TRIM44: variants seen among roughly 807,000 people sequenced by gnomAD.
TRIM44 encodes tripartite motif containing 44.
In TRIM44, 13 loss-of-function variants were observed where a neutral mutation model predicts 37.4. That is an observed-to-expected ratio of 0.35 (90% confidence interval 0.23 to 0.55). TRIM44 has a LOEUF of 0.55. Ranked by LOEUF, TRIM44 falls within the 20% of genes least tolerant of loss-of-function variation. The pLI is 0.89. For missense variants in TRIM44, 426 were observed against 437.2 expected (o/e 0.97, Z 0.23); for synonymous variants, 175 against 157.2 (o/e 1.11, Z -0.85).
intron 2 of TRIM44, among the ~76,000 whole-genome samples, chr11:35,709,087 A>T (rs113042407): frequency 1.8e-4 from 28 of 152,004 alleles, no homozygotes; most frequent in Non-Finnish European, 3.5e-4. Flanking sequence ...AAGTCAGCCA[A>T]TTGGTGCTGC....
chr11:35,744,369 G>T (rs1469062026), intron 4 of TRIM44, among the ~76,000 whole-genome samples: 1 of 152,148 alleles, frequency 6.6e-6, no homozygotes. Flanking sequence ...AAATAAGTAT[G>T]TGAAGTCATG....
intron 1 of TRIM44, among the ~76,000 whole-genome samples, chr11:35,664,559 A>G (rs1851311571): frequency 6.6e-6 from 1 of 152,204 alleles, no homozygotes; most frequent in Non-Finnish European, 1.5e-5. Flanking sequence ...TCAGTTCATT[A>G]AGTAATCTGT....
chr11:35,712,343 T>C (rs1235500317), intron 2 of TRIM44, among the ~76,000 whole-genome samples: 1 of 152,218 alleles, frequency 6.6e-6, no homozygotes, highest in Non-Finnish European at 1.5e-5. Flanking sequence ...GGAATAACTT[T>C]ACTTAAAGTT....
intron 1 of TRIM44, among the ~76,000 whole-genome samples, chr11:35,677,414 AT>A (rs1314726815): frequency 4.6e-5 from 7 of 151,064 alleles, no homozygotes; most frequent in South Asian, 4.2e-4. Context: ...TTAGTAAAAT[AT>A]TTTTTTTATT....
At chr11:35,701,461 A>G (rs935757999) in intron 2 of TRIM44, among the ~76,000 whole-genome samples, 3 of 152,220 alleles carry the variant, frequency 2.0e-5, no homozygotes, top group African/African-American at 7.2e-5. Context: ...GGAAAATTTA[A>G]GATAGTTAAT....
At chr11:35,675,036 T>C (rs1202742778) in intron 1 of TRIM44, among the ~76,000 whole-genome samples, 6 of 152,210 alleles carry the variant, frequency 3.9e-5, no homozygotes. Flanking sequence ...ATTGTAGCAC[T>C]AAATACTGTG....
chr11:35,708,732 A>C (rs1851923483), intron 2 of TRIM44, among the ~76,000 whole-genome samples: 1 of 151,762 alleles, frequency 6.6e-6, no homozygotes, highest in Non-Finnish European at 1.5e-5. Flanking sequence ...GGACGCAGGA[A>C]GGGGAACATC....
intron 4 of TRIM44, among the ~76,000 whole-genome samples, chr11:35,805,886 G>A (rs1027665013): frequency 6.6e-6 from 1 of 152,146 alleles, no homozygotes; most frequent in African/African-American, 2.4e-5. Flanking sequence ...TGAAATCTTG[G>A]ATTTTTTTTC....
At chr11:35,755,000 A>G (rs887289541) in intron 4 of TRIM44, among the ~76,000 whole-genome samples, 5 of 152,186 alleles carry the variant, frequency 3.3e-5, no homozygotes, top group African/African-American at 1.2e-4. Flanking sequence ...CATGTTTTAT[A>G]ATCCTTTGGG....
intron 1 of TRIM44, among the ~76,000 whole-genome samples, chr11:35,675,710 C>CG (rs1434100675): frequency 6.6e-6 from 1 of 152,044 alleles, no homozygotes; most frequent in African/African-American, 2.4e-5. Context: ...TTAGTAGAGA[C>CG]GGGGTTTCAC....
chr11:35,754,307 G>A (rs1458043481), intron 4 of TRIM44, among the ~76,000 whole-genome samples: 1 of 152,130 alleles, frequency 6.6e-6, no homozygotes, highest in East Asian at 1.9e-4. Context: ...GCAGGATGCA[G>A]GGAAACATTC....
At chr11:35,792,817 T>C (rs1211531361) in intron 4 of TRIM44, among the ~76,000 whole-genome samples, 2 of 152,232 alleles carry the variant, frequency 1.3e-5, no homozygotes, top group African/African-American at 4.8e-5. Context: ...AGCAGTGATG[T>C]GTCAGACCAC....
chr11:35,697,598 C>T (rs1490108020), intron 2 of TRIM44, among the ~76,000 whole-genome samples: 1 of 151,496 alleles, frequency 6.6e-6, no homozygotes, highest in Non-Finnish European at 1.5e-5. Flanking sequence ...TGCTATCCCT[C>T]CCCGCTCCCC....
chr11:35,684,124 G>A (rs1472566185), intron 1 of TRIM44, among the ~76,000 whole-genome samples: 4 of 152,054 alleles, frequency 2.6e-5, no homozygotes, highest in Admixed American at 2.6e-4. Context: ...TGGCACTAGG[G>A]CTCTAGTCTG....
In TRIM44 at chr11:35,748,089, A is replaced by ATCTTCTTTCC. The variant is rs1306698870; in HGVS notation, c.1007+12646_1007+12647insTTCTTTCCTC. Among the ~76,000 whole-genome samples the ATCTTCTTTCC allele has an allele frequency of 3.9e-5, 6 of 152,266 alleles. No homozygotes were observed. The East Asian group carries it at 7.7e-4, about 20-fold the overall frequency. Reference sequence around the variant, plus strand: ...CTAGCCAACCAAGTCTTTTTAAGGAATCGCCTGAGGAAAGAAGATTGTCAC... The same window carrying ATCTTCTTTCC: ...CTAGCCAACCAAGTCTTTTTAAGGAATCTTCTTTCCTCGCCTGAGGAAAGAAGATTGTCAC... On this transcript the variant is annotated intron_variant, in intron 4 of 4. Transcript: ENST00000299413.
chr11:35,798,724 T>C (rs1853327063), intron 4 of TRIM44, among the ~76,000 whole-genome samples: 1 of 152,176 alleles, frequency 6.6e-6, no homozygotes, highest in African/African-American at 2.4e-5. Flanking sequence ...TACAAATCAA[T>C]CATGATCATA....
intron 3 of TRIM44, 48 bp from the exon 4 acceptor site, chr11:35,735,378 T>C (rs1297454416): frequency 6.2e-6 from 10 of 1,605,272 alleles, no homozygotes; most frequent in African/African-American, 1.3e-5. Context: ...TGACTCTGTC[T>C]GTACCAACAG....
intron 4 of TRIM44, among the ~76,000 whole-genome samples, chr11:35,798,748 A>C (rs1285866755): frequency 6.6e-6 from 1 of 152,226 alleles, no homozygotes; most frequent in African/African-American, 2.4e-5. Context: ...TTACAGAAAT[A>C]TATTTCTTGA....
At chr11:35,766,227 C>G (rs1178430788) in intron 4 of TRIM44, among the ~76,000 whole-genome samples, 1 of 152,194 alleles carries the variant, frequency 6.6e-6, no homozygotes, top group African/African-American at 2.4e-5. Flanking sequence ...TATCTTAACA[C>G]TGTCTCAAAA....
Sources: gnomAD v4.1 joint callset for allele counts (sites outside exome capture counted in the v4.1 genomes callset) on GRCh38, gnomAD v4.1.1 for gene constraint, MANE v1.5 for transcripts, NCBI Gene and HGNC (gene_info 2026-07-23, HGNC 2026-07-21) for gene names.